VRK2: variants seen among roughly 807,000 people sequenced by gnomAD.
The protein encoded by VRK2 is serine/threonine-protein kinase VRK2.
Under a neutral mutation model 57.6 loss-of-function variants are expected in VRK2, and 60 were observed. That is an observed-to-expected ratio of 1.04 (90% CI 0.85 to 1.29). VRK2 has a LOEUF of 1.29. Ranked by LOEUF, VRK2 falls within the 50% of genes most tolerant of loss-of-function variation. VRK2 has a pLI of 0.00. For missense variants in VRK2, 705 were observed against 588.1 expected, an observed-to-expected ratio of 1.20 and a Z score of -2.06; for synonymous variants, 231 against 199.2, an observed-to-expected ratio of 1.16 and a Z score of -1.35.
At chr2:58,025,297 A>G (rs1673891116) in intron 1 of VRK2, among the ~76,000 whole-genome samples, 1 of 151,938 alleles carries the variant, frequency 6.6e-6, no homozygotes, top group Non-Finnish European at 1.5e-5. Context: ...GTTAATATCT[A>G]TAAAGCAATT....
At chr2:57,917,440 T>C (rs1670194051) in intron 1 of VRK2, among the ~76,000 whole-genome samples, 1 of 151,430 alleles carries the variant, frequency 6.6e-6, no homozygotes, top group African/African-American at 2.4e-5. Context: ...CCTAATATAT[T>C]CATCTGCAAA....
chr2:57,915,470 AT>A (rs1421600711), intron 1 of VRK2, among the ~76,000 whole-genome samples: 7 of 152,184 alleles, frequency 4.6e-5, no homozygotes, highest in African/African-American at 1.4e-4. Context: ...GATTAAAAAA[AT>A]AAAGATACAA....
intron 2 of VRK2, among the ~76,000 whole-genome samples, chr2:58,065,548 CT>C (rs1468260056): frequency 1.3e-5 from 2 of 152,064 alleles, no homozygotes; most frequent in African/African-American, 4.8e-5. Context: ...AGTGTGATTC[CT>C]TCAACTTTTT....
intron 1 of VRK2, among the ~76,000 whole-genome samples, chr2:58,000,696 GC>G (rs1260734411): frequency 6.6e-6 from 1 of 152,238 alleles, no homozygotes; most frequent in South Asian, 2.1e-4. Flanking sequence ...CTCAGTGGTT[GC>G]CCCAATAATG....
At chr2:58,153,114 A>AT (rs1683301887) in intron 12 of VRK2, among the ~76,000 whole-genome samples, 1 of 151,940 alleles carries the variant, frequency 6.6e-6, no homozygotes, top group Non-Finnish European at 1.5e-5. Flanking sequence ...CATCACTGTA[A>AT]TTTTATCATT....
At chr2:58,040,672 T>G (rs551326006) in intron 3 of VRK2, among the ~76,000 whole-genome samples, 2 of 152,302 alleles carry the variant, frequency 1.3e-5, no homozygotes, top group Admixed American at 6.5e-5. Flanking sequence ...ATGTCAGAGA[T>G]AGAGCTGTGT....
At chr2:57,966,429 A>G (rs1219148218) in intron 1 of VRK2, among the ~76,000 whole-genome samples, 1 of 152,154 alleles carries the variant, frequency 6.6e-6, no homozygotes, top group Non-Finnish European at 1.5e-5. Flanking sequence ...ATAAGCTGTT[A>G]TGTTTTTGTT....
intron 1 of VRK2, among the ~76,000 whole-genome samples, chr2:57,915,870 T>C (rs1670130822): frequency 6.6e-6 from 1 of 152,022 alleles, no homozygotes; most frequent in East Asian, 1.9e-4. Context: ...CATTAGATTG[T>C]CATAGGACCA....
At chr2:58,137,121 A>G (rs1415469829) in intron 10 of VRK2, among the ~76,000 whole-genome samples, 1 of 87,244 alleles carries the variant, frequency 1.1e-5, no homozygotes, top group African/African-American at 4.9e-5. Flanking sequence ...TATATCATAT[A>G]TGTGTATATA....
At chr2:58,086,492 C>T in intron 5 of VRK2, 66 bp downstream of exon 5, 1 of 1,358,876 alleles carries the variant, frequency 7.4e-7, no homozygotes, top group Non-Finnish European at 1.0e-6. Context: ...TATGAGTTAA[C>T]TATTGCCATG....
chr2:58,018,046 A>G (rs1229535682), intron 1 of VRK2: 1 of 152,200 alleles, frequency 6.6e-6, no homozygotes, highest in African/African-American at 2.4e-5. Context: ...GCTGGAGTAC[A>G]GTGGCACGAT....
rs143535342 is a variant in VRK2, at chr2:58,048,210, T to G, written c.-5-617T>G. ...CAGGACTGTTTTCACTGTGATAAAC[T>G]GAGAAAGAGGGTAAGAAGACAAAAT... On this transcript the variant is annotated intron_variant, in intron 1 of 12. Coordinates refer to ENST00000340157, the MANE Select transcript of VRK2 (RefSeq NM_006296.7). Among the ~76,000 whole-genome samples, 635 of 152,328 alleles carry G rather than the reference T, an allele frequency of 4.2e-3. 9 individuals are homozygous for G. Among genetic ancestry groups the G allele is most frequent in the African/African-American group, 0.014 (594 of 41,572 alleles).
intron 1 of VRK2, among the ~76,000 whole-genome samples, chr2:57,936,854 T>C (rs1670927989): frequency 6.6e-6 from 1 of 152,228 alleles, no homozygotes; most frequent in Non-Finnish European, 1.5e-5. Context: ...CAATTATGTG[T>C]AGTTTGGTCT....
Position 57,997,259 on chromosome 2 carries a change from T to A in VRK2, c.-438-28406T>A, listed in dbSNP as rs377682201. Among the ~76,000 whole-genome samples, 53 of 152,118 alleles carry A rather than the reference T, an allele frequency of 3.5e-4. 1 individual carries two copies. In the South Asian group the frequency reaches 0.01, roughly 30 times the overall value. ...AGTTATAATGATAACTAGATCTAGA[T>A]ATAATTAGCCAATAGACAAGATTTC... On this transcript the variant is annotated intron_variant, in intron 1 of 15. Coordinates refer to the VRK2 transcript ENST00000417641.
intron 9 of VRK2, among the ~76,000 whole-genome samples, chr2:58,133,971 T>C (rs1318113097): frequency 1.3e-5 from 2 of 152,148 alleles, no homozygotes; most frequent in Admixed American, 6.5e-5. Context: ...TTCCTGTAAT[T>C]CCATCTTGTT....
intron 2 of VRK2, among the ~76,000 whole-genome samples, chr2:58,062,219 A>G (rs942524542): frequency 6.6e-6 from 1 of 151,986 alleles, no homozygotes; most frequent in Non-Finnish European, 1.5e-5. Flanking sequence ...CATGAACTGC[A>G]CCCATACAAG....
rs575766268 is a variant in VRK2 at position 58,117,852 on chromosome 2, G to A, written c.544-5249G>A. ...AGGCTAAGGGAGAAGGAGGAGGAAT[G>A]TAAGGTGGAATCTTGCCCATAGTGA... On this transcript the variant is annotated intron_variant, in intron 7 of 12. Transcript: ENST00000340157. Among the ~76,000 whole-genome samples, 39 of 152,230 alleles carry A rather than the reference G, an allele frequency of 2.6e-4. 1 individual carries two copies. The South Asian group carries it at 7.7e-3, about 30-fold the overall frequency.
chr2:58,033,009 T>C (rs1674163120), intron 2 of VRK2, among the ~76,000 whole-genome samples: 1 of 152,100 alleles, frequency 6.6e-6, no homozygotes, highest in South Asian at 2.1e-4. Flanking sequence ...ACAAATACCA[T>C]CACATATCAT....
At chr2:57,917,783 T>A (rs1204449586) in intron 1 of VRK2, among the ~76,000 whole-genome samples, 1 of 152,038 alleles carries the variant, frequency 6.6e-6, no homozygotes, top group East Asian at 1.9e-4. Context: ...GAGACACATG[T>A]GCAACCTGTG....
Sources: allele counts gnomAD v4.1 joint callset (sites outside exome capture counted in the v4.1 genomes callset), GRCh38; gene constraint gnomAD v4.1.1; transcripts MANE v1.5; gene names NCBI Gene and HGNC (gene_info 2026-07-23, HGNC 2026-07-21).